Variants in TBL1XR1 observed in about 807,000 individuals in gnomAD.
TBL1XR1 encodes the protein TBL1X/Y related 1, also known as F-box-like/WD repeat-containing protein TBL1XR1.
In TBL1XR1, 5 loss-of-function variants were observed where a neutral mutation model predicts 66.9. The ratio of observed to expected loss-of-function variants is 0.07; its 90% CI spans 0.04 to 0.16. The LOEUF is 0.16. TBL1XR1 is among the 10% of genes least tolerant of loss of function. The probability of loss-of-function intolerance (pLI) is 1.00; values close to 1 mark genes in which losing one functional copy is unlikely to be tolerated. For synonymous variants in TBL1XR1, 210 were observed against 206.0 expected (o/e 1.02, Z -0.17); for missense variants, 238 against 623.2 (o/e 0.38, Z 6.58).
intron 4 of TBL1XR1, among the ~76,000 whole-genome samples, chr3:177,052,196 C>T (rs945636261): frequency 6.6e-6 from 1 of 152,158 alleles, no homozygotes; most frequent in Non-Finnish European, 1.5e-5. Context: ...CAGAAACAGA[C>T]TTCATGGGGC....
Position 177,024,186 on chromosome 3 carries a change from A to G in TBL1XR1, c.*1312T>C, listed in dbSNP as rs1712761985. On this transcript the variant is annotated 3_prime_UTR_variant, in exon 16 of 16. Coordinates refer to ENST00000457928, the MANE Select transcript of TBL1XR1 (RefSeq NM_024665.7). ...ACCACAAATGCAGAATCAGAGCAGCAGGAAGAAGGTTAGTGCAATTATACT... is the reference window on the plus strand; with the variant it reads ...ACCACAAATGCAGAATCAGAGCAGCGGGAAGAAGGTTAGTGCAATTATACT... 6.6e-6 allele frequency: 1 copy of G among 152,568 alleles called. No individual in the cohort carries two copies. Among genetic ancestry groups the G allele is most frequent in the Admixed American group, 6.6e-5 (1 of 15,264 alleles). The allele number at this position is 152,568 out of a possible 1,614,324, so 9.5% of individuals were successfully genotyped here. A position where few individuals can be genotyped will look rare whatever the true frequency, so the allele number is the denominator to read the frequency against.
At chr3:177,106,093 T>C (rs895861034) in intron 1 of TBL1XR1, among the ~76,000 whole-genome samples, 1 of 151,502 alleles carries the variant, frequency 6.6e-6, no homozygotes, top group Non-Finnish European at 1.5e-5. Flanking sequence ...GTAAGGACAA[T>C]GATAATGAAG....
rs573471080 is a variant in TBL1XR1 at position 177,194,845 on chromosome 3, T to C, written c.-122+2276A>G. Among the ~76,000 whole-genome samples the C allele has an allele frequency of 8.5e-5, 13 of 152,284 alleles. No homozygotes were observed. The South Asian group carries it at 2.7e-3, about 32-fold the overall frequency. ...AGATTCTTAGACATACGTATTAAAA[T>C]GCTTAACACTTCTTTGAAGCAACCA... On this transcript the variant is annotated intron_variant, in intron 1 of 15. Transcript: ENST00000457928.
intron 1 of TBL1XR1, among the ~76,000 whole-genome samples, chr3:177,133,263 G>A (rs1328765014): frequency 6.6e-6 from 1 of 151,440 alleles, no homozygotes; most frequent in Non-Finnish European, 1.5e-5. Flanking sequence ...CTCCAGCCTG[G>A]GCAACAAGAG....
rs921298297 is a variant in TBL1XR1, at chr3:177,141,253, T to C, written c.-121-42712A>G. ...TCTTAGTTTTCTTCGTATCATTCTA[T>C]CCTATTTGGAGATTCTGCTGCATGC... On this transcript the variant is annotated intron_variant, in intron 1 of 15. Transcript: ENST00000457928. 3.9e-5 allele frequency among the ~76,000 whole-genome samples: 6 copies of C among 152,348 alleles called. No homozygotes were observed. In the East Asian group the frequency reaches 5.8e-4, roughly 15 times the overall value.
intron 1 of TBL1XR1, among the ~76,000 whole-genome samples, chr3:177,180,974 C>A (rs1006728717): frequency 6.6e-6 from 1 of 151,876 alleles, no homozygotes; most frequent in Non-Finnish European, 1.5e-5. Flanking sequence ...CTCAGGTGAT[C>A]CACCCACCTC....
chr3:177,145,362 G>C (rs1009448499), intron 1 of TBL1XR1, among the ~76,000 whole-genome samples: 12 of 151,848 alleles, frequency 7.9e-5, no homozygotes, highest in Non-Finnish European at 1.3e-4. Context: ...TGTATATCTG[G>C]CTCCCTATAG....
chr3:177,090,370 A>T (rs1431842208), intron 2 of TBL1XR1, among the ~76,000 whole-genome samples: 1 of 151,774 alleles, frequency 6.6e-6, no homozygotes, highest in Non-Finnish European at 1.5e-5. Flanking sequence ...TCTAAATACT[A>T]AAAATAAAAT....
At chr3:177,156,403 G>A (rs1289786289) in intron 1 of TBL1XR1, among the ~76,000 whole-genome samples, 1 of 151,448 alleles carries the variant, frequency 6.6e-6, no homozygotes, top group Non-Finnish European at 1.5e-5. Flanking sequence ...GGAGGCTGAG[G>A]CAGGAGAATC....
At chr3:177,193,199 G>A (rs1224309164) in intron 1 of TBL1XR1, among the ~76,000 whole-genome samples, 1 of 152,008 alleles carries the variant, frequency 6.6e-6, no homozygotes, top group East Asian at 1.9e-4. Context: ...TAAAACGTAT[G>A]AGGAGCTACT....
intron 3 of TBL1XR1, among the ~76,000 whole-genome samples, chr3:177,061,855 G>C (rs1718555623): frequency 6.6e-6 from 1 of 152,110 alleles, no homozygotes; most frequent in African/African-American, 2.4e-5. Context: ...TGGTGATTCT[G>C]AATTAGGACC....
chr3:177,163,542 G>A (rs1732468520), intron 1 of TBL1XR1, among the ~76,000 whole-genome samples: 1 of 150,138 alleles, frequency 6.7e-6, no homozygotes, highest in African/African-American at 2.5e-5. Context: ...TTGTGTAGAT[G>A]TGAGAAGATG....
chr3:177,145,980 A>C (rs1455500054), intron 1 of TBL1XR1, among the ~76,000 whole-genome samples: 1 of 152,242 alleles, frequency 6.6e-6, no homozygotes, highest in Non-Finnish European at 1.5e-5. Flanking sequence ...AGAATTGTCA[A>C]AGAACTGAAA....
At chr3:177,034,091 A>T in intron 13 of TBL1XR1, 107 bp downstream of exon 13, 5 of 1,330,994 alleles carry the variant, frequency 3.8e-6, no homozygotes, top group Non-Finnish European at 5.1e-6. Flanking sequence ...GGAAAAAAAA[A>T]AAAAAAAGTT....
In TBL1XR1 at chr3:177,091,836, C is replaced by T. The variant is rs181160889; in HGVS notation, c.-46+6630G>A. ...ATATGCCTTTCCTGTGCAATCTGTG[C>T]CACAAAGTAACGAAATATCTGTTGG... On this transcript the variant is annotated intron_variant, in intron 2 of 15. Coordinates refer to ENST00000457928, the MANE Select transcript of TBL1XR1 (RefSeq NM_024665.7). Among the ~76,000 whole-genome samples, 3 of 152,194 alleles carry T rather than the reference C, an allele frequency of 2.0e-5. No individual in the cohort carries two copies. In the East Asian group the frequency reaches 5.8e-4, roughly 29 times the overall value.
At chr3:177,176,322 G>A (rs549495492) in intron 1 of TBL1XR1, among the ~76,000 whole-genome samples, 43 of 150,696 alleles carry the variant, frequency 2.9e-4, no homozygotes, top group African/African-American at 9.4e-4. Flanking sequence ...TCAGCCTCCC[G>A]AGTAGCTGCG....
At chr3:177,194,264 CATAAAGT>C (rs1257729235) in intron 1 of TBL1XR1, 2 of 152,212 alleles carry the variant, frequency 1.3e-5, no homozygotes, top group African/African-American at 4.8e-5. Flanking sequence ...AATGTCTGAG[CATAAAGT>C]ATAAATGTCT....
At chr3:177,156,146 C>G (rs1306070803) in intron 1 of TBL1XR1, among the ~76,000 whole-genome samples, 21 of 83,912 alleles carry the variant, frequency 2.5e-4, no homozygotes, top group Middle Eastern at 0.018. Context: ...TTCATGAAAA[C>G]GTGAAACTTC....
chr3:177,116,977 AG>A (rs1726383872), intron 1 of TBL1XR1, among the ~76,000 whole-genome samples: 1 of 152,232 alleles, frequency 6.6e-6, no homozygotes. Context: ...TTCTGTGCTT[AG>A]GAACATTATG....
Sources: gnomAD v4.1 joint callset for allele counts (sites outside exome capture counted in the v4.1 genomes callset) on GRCh38, gnomAD v4.1.1 for gene constraint, MANE v1.5 for transcripts, NCBI Gene and HGNC (gene_info 2026-07-23, HGNC 2026-07-21) for gene names.